ARHGEF3: variants seen among roughly 807,000 people sequenced by gnomAD.
ARHGEF3 encodes the protein 59.8 kDA protein.
A neutral mutation model predicts 63.2 loss-of-function variants in ARHGEF3; 28 were observed. The ratio of observed to expected loss-of-function variants is 0.44; its 90% CI spans 0.33 to 0.61. ARHGEF3 has a LOEUF of 0.61. ARHGEF3 is among the 20% of genes least tolerant of loss of function. The probability of loss-of-function intolerance (pLI) is 0.03; values close to 1 mark genes in which losing one functional copy is unlikely to be tolerated. For synonymous variants in ARHGEF3, 266 were observed against 254.2 expected (o/e 1.05, Z -0.44); for missense variants, 533 against 659.3 (o/e 0.81, Z 2.10).
chr3:56,860,356 AT>A (rs1188761841), intron 4 of ARHGEF3, among the ~76,000 whole-genome samples: 1 of 151,572 alleles, frequency 6.6e-6, no homozygotes, highest in South Asian at 2.1e-4. Flanking sequence ...TGATTTTATA[AT>A]TTTTTTGTAG....
At chr3:56,791,787 A>C (rs2107920576) in intron 1 of ARHGEF3, among the ~76,000 whole-genome samples, 1 of 152,292 alleles carries the variant, frequency 6.6e-6, no homozygotes, top group African/African-American at 2.4e-5. Flanking sequence ...CAAAAAGGAC[A>C]GCTTCAGAAA....
At chr3:56,751,189 G>A in intron 5 of ARHGEF3, 57 bp from the exon 6 acceptor site, 1 of 1,584,896 alleles carries the variant, frequency 6.3e-7, no homozygotes, top group African/African-American at 1.3e-5. Flanking sequence ...AACAGGGCTG[G>A]AAGTAGGTTC....
chr3:56,878,206 G>A (rs909187907), intron 4 of ARHGEF3, among the ~76,000 whole-genome samples: 3 of 152,168 alleles, frequency 2.0e-5, no homozygotes, highest in Non-Finnish European at 4.4e-5. Flanking sequence ...GAGCTACAGC[G>A]TCTCTCGCCC....
chr3:56,797,204 G>T (rs959282963), intron 1 of ARHGEF3, among the ~76,000 whole-genome samples: 2 of 152,194 alleles, frequency 1.3e-5, no homozygotes, highest in Non-Finnish European at 2.9e-5. Flanking sequence ...CTAGCAGGTG[G>T]TGGAGACAGC....
Position 56,979,960 on chromosome 3 carries a change from C to T in ARHGEF3, c.63-21071G>A, listed in dbSNP as rs536815875. Among the ~76,000 whole-genome samples the T allele has an allele frequency of 3.9e-5, 6 of 152,248 alleles. No individual in the cohort carries two copies. The East Asian group carries it at 7.7e-4, about 20-fold the overall frequency. ...GAAGCAAGGGCTCTGGAACCAGCTG[C>T]GTGGGTTCTGATCACACATCGACCA... On this transcript the variant is annotated intron_variant, in intron 2 of 12. Coordinates refer to the ARHGEF3 transcript ENST00000338458.
At chr3:56,751,963 C>A (rs565577145) in intron 4 of ARHGEF3, among the ~76,000 whole-genome samples, 1 of 152,234 alleles carries the variant, frequency 6.6e-6, no homozygotes, top group South Asian at 2.1e-4. Flanking sequence ...AAGTCTCCTA[C>A]CTTCAAGGAA....
At chr3:56,844,772 C>T (rs1028292565) in intron 4 of ARHGEF3, among the ~76,000 whole-genome samples, 21 of 152,112 alleles carry the variant, frequency 1.4e-4, no homozygotes, top group Admixed American at 1.3e-3. Context: ...GAGCCTTCAC[C>T]AAGTCACTAA....
At chr3:56,794,705 T>C (rs1159925363) in intron 1 of ARHGEF3, among the ~76,000 whole-genome samples, 1 of 152,186 alleles carries the variant, frequency 6.6e-6, no homozygotes, top group Admixed American at 6.5e-5. Context: ...TGTTTGCCTA[T>C]ATCCTACACA....
chr3:57,069,820 T>A (rs1287432949), intron 1 of ARHGEF3, among the ~76,000 whole-genome samples: 3 of 152,186 alleles, frequency 2.0e-5, no homozygotes, highest in Non-Finnish European at 1.5e-5. Flanking sequence ...AATTTTTAAT[T>A]GTTTTATAGA....
Position 56,944,876 on chromosome 3 carries a change from G to A in ARHGEF3, c.129+13947C>T, listed in dbSNP as rs754740687. The stretch of plus-strand genomic sequence containing the variant: ...TTACAGATGTGAGCCACCGCACTCA[G>A]CCAAAAAGTAGTTTCTTGAGATAGA... On this transcript the variant is annotated intron_variant, in intron 3 of 12. Coordinates refer to the ARHGEF3 transcript ENST00000338458. Among the ~76,000 whole-genome samples the A allele has an allele frequency of 6.2e-4, 95 of 152,248 alleles. 2 individuals are homozygous for A. The highest frequency in any genetic ancestry group is 1.2e-3 in the South Asian group (6 of 4,828).
intron 3 of ARHGEF3, among the ~76,000 whole-genome samples, chr3:56,913,974 C>A (rs921761325): frequency 2.6e-5 from 4 of 152,178 alleles, no homozygotes; most frequent in African/African-American, 9.7e-5. Context: ...AACGGCATTG[C>A]AGCAACCTGG....
chr3:57,001,456 C>T (rs147938491), intron 2 of ARHGEF3, among the ~76,000 whole-genome samples: 55 of 152,332 alleles, frequency 3.6e-4, no homozygotes, highest in African/African-American at 1.1e-3. Context: ...TAGGGAATCA[C>T]GACAGATGCT....
chr3:56,774,037 G>A (rs1390445467), intron 1 of ARHGEF3, among the ~76,000 whole-genome samples: 1 of 152,126 alleles, frequency 6.6e-6, no homozygotes. Context: ...GCAGTATCTG[G>A]GAAGACAGAA....
At chr3:56,748,546 T>C (rs2034535033) in intron 6 of ARHGEF3, among the ~76,000 whole-genome samples, 1 of 112,938 alleles carries the variant, frequency 8.9e-6, no homozygotes, top group African/African-American at 4.5e-5. Flanking sequence ...TGTGAAAAAA[T>C]CTATTTTTTT....
intron 1 of ARHGEF3, among the ~76,000 whole-genome samples, chr3:57,052,577 G>A (rs555327803): frequency 1.8e-4 from 27 of 152,022 alleles, no homozygotes; most frequent in Non-Finnish European, 3.5e-4. Flanking sequence ...GATTACAGGC[G>A]TGAGCCACCC....
chr3:56,842,953 C>G (rs1186611854), intron 4 of ARHGEF3, among the ~76,000 whole-genome samples: 1 of 152,124 alleles, frequency 6.6e-6, no homozygotes, highest in African/African-American at 2.4e-5. Context: ...AGTTGGCTGA[C>G]TTTGTGTTCA....
intron 3 of ARHGEF3, among the ~76,000 whole-genome samples, chr3:56,951,245 T>A (rs1427850712): frequency 1.3e-5 from 2 of 151,500 alleles, no homozygotes; most frequent in African/African-American, 4.9e-5. Context: ...AACCTGCACG[T>A]TGTGCACATG....
chr3:57,066,792 C>T (rs1281853058), intron 1 of ARHGEF3, among the ~76,000 whole-genome samples: 1 of 152,168 alleles, frequency 6.6e-6, no homozygotes, highest in Non-Finnish European at 1.5e-5. Context: ...CAGCTATAAG[C>T]CTTAATAGAA....
chr3:56,968,275 TAAAATATATATA>T (rs1700737199), intron 2 of ARHGEF3, among the ~76,000 whole-genome samples: 2 of 49,362 alleles, frequency 4.1e-5, no homozygotes, highest in Non-Finnish European at 8.0e-5. Context: ...ATATAATATA[TAAAATATATATA>T]ATATATATAA....
Sources: allele counts gnomAD v4.1 joint callset (sites outside exome capture counted in the v4.1 genomes callset), GRCh38; gene constraint gnomAD v4.1.1; transcripts MANE v1.5; gene names NCBI Gene and HGNC (gene_info 2026-07-23, HGNC 2026-07-21).